The following GALNT18 variants were observed in gnomAD, a reference collection of about 807,000 sequenced individuals.
The protein encoded by GALNT18 is GalNAc-transferase 18.
A neutral mutation model predicts 69.5 loss-of-function variants in GALNT18; 44 were observed. That is an observed-to-expected ratio of 0.63 (90% confidence interval 0.50 to 0.81). The LOEUF is 0.81. Ranked by LOEUF, GALNT18 falls within the 40% of genes least tolerant of loss-of-function variation. The pLI is 0.00. For synonymous variants in GALNT18, 364 were observed against 318.2 expected (o/e 1.14, Z -1.53); for missense variants, 715 against 810.0 (o/e 0.88, Z 1.42).
Position 11,372,729 on chromosome 11 carries a change from C to A in GALNT18, c.978-100G>T. ...TCAGGAGGGTCTGGTTCTCTTCCTT[C>A]CTTTGCTGCCAGAGCCAGTGTGAGC... On this transcript the variant is annotated intron_variant, in intron 5 of 10. Transcript: ENST00000227756. This position sits in a 1 kb window ranked among gnomAD's most constrained non-coding sequence, Gnocchi z 4.9. The A allele has an allele frequency of 1.1e-6, 1 of 914,006 alleles. No homozygotes were observed. Among genetic ancestry groups the A allele is most frequent in the South Asian group, 1.4e-5 (1 of 70,200 alleles). 56.6% of individuals were successfully genotyped at this position (914,006 alleles called of 1,614,324 possible). A position where few individuals can be genotyped will look rare whatever the true frequency, so the allele number is the denominator to read the frequency against.
At chr11:11,313,933 C>T (rs1484614279) in intron 9 of GALNT18, among the ~76,000 whole-genome samples, 1 of 152,188 alleles carries the variant, frequency 6.6e-6, no homozygotes, top group Admixed American at 6.5e-5. Context: ...CCAGTTTGAA[C>T]GAGAGACCAA....
intron 1 of GALNT18, among the ~76,000 whole-genome samples, chr11:11,467,508 C>A (rs1057383995): frequency 6.6e-6 from 1 of 152,246 alleles, no homozygotes; most frequent in African/African-American, 2.4e-5. Flanking sequence ...TAAAGGGAAC[C>A]ACTCTGTTTG....
intron 1 of GALNT18, chr11:11,570,039 C>T (rs534257623): frequency 6.6e-6 from 1 of 152,210 alleles, no homozygotes; most frequent in Admixed American, 6.5e-5. Context: ...CCTGTTTCCT[C>T]TGCAAGCAGA....
intron 6 of GALNT18, among the ~76,000 whole-genome samples, chr11:11,345,375 A>C (rs1850284136): frequency 6.6e-6 from 1 of 152,106 alleles, no homozygotes; most frequent in Admixed American, 6.5e-5. Flanking sequence ...GGCTCCACTG[A>C]CCAGTGGCTT....
Position 11,432,795 on chromosome 11 carries a change from G to T in GALNT18, c.429-8C>A. 1 of 1,612,556 alleles carries T rather than the reference G, an allele frequency of 6.2e-7. No individual in the cohort carries two copies. Among genetic ancestry groups the T allele is most frequent in the Non-Finnish European group, 8.5e-7 (1 of 1,178,862 alleles). The stretch of plus-strand genomic sequence containing the variant: ...AATGAGAGGTTACGGCACCTGCAAA[G>T]AACAGCCAAGCGCTTAGATTTGTGA... On this transcript the variant is annotated splice_polypyrimidine_tract_variant and splice_region_variant and intron_variant, in intron 2 of 10. Transcript: ENST00000227756. The surrounding 1 kb of genome is among the most constrained non-coding windows in gnomAD (Gnocchi z 5.8).
chr11:11,453,148 T>G (rs1855843031), intron 1 of GALNT18, among the ~76,000 whole-genome samples: 1 of 151,912 alleles, frequency 6.6e-6, no homozygotes, highest in Non-Finnish European at 1.5e-5. Flanking sequence ...GGTGCTTGAG[T>G]CAGGGAAGGT....
intron 3 of GALNT18, among the ~76,000 whole-genome samples, chr11:11,390,771 G>C (rs1854168951): frequency 6.6e-6 from 1 of 152,134 alleles, no homozygotes; most frequent in Non-Finnish European, 1.5e-5. Context: ...GTGTTCTCCT[G>C]GCCTTCCCGT....
At chr11:11,392,577 C>T (rs1030552075) in intron 3 of GALNT18, among the ~76,000 whole-genome samples, 2 of 152,162 alleles carry the variant, frequency 1.3e-5, no homozygotes, top group Non-Finnish European at 2.9e-5. Flanking sequence ...AGAGATCGCG[C>T]CATCACACTC....
chr11:11,515,937 G>A (rs1857264069), intron 1 of GALNT18, among the ~76,000 whole-genome samples: 1 of 152,246 alleles, frequency 6.6e-6, no homozygotes, highest in South Asian at 2.1e-4. Flanking sequence ...AGCCCATGCA[G>A]AGCTAGAGGA....
chr11:11,367,088 C>T (rs1200131915), intron 6 of GALNT18, among the ~76,000 whole-genome samples: 1 of 152,182 alleles, frequency 6.6e-6, no homozygotes, highest in Non-Finnish European at 1.5e-5. Context: ...GCTTCACTTC[C>T]TCCTGTCCTA....
At chr11:11,509,079 C>A (rs1361003435) in intron 1 of GALNT18, among the ~76,000 whole-genome samples, 2 of 152,128 alleles carry the variant, frequency 1.3e-5, no homozygotes, top group Non-Finnish European at 2.9e-5. Context: ...TTCTACACCC[C>A]CATGCTTTTC....
rs1036250471 is a variant in GALNT18 at position 11,587,463 on chromosome 11, C to G, written c.235+33896G>C. ...TGCATCCCAGCTTTTCTGCAGGTTG[C>G]TAATGAGCAGTGAGCATATCCAAAG... On this transcript the variant is annotated intron_variant, in intron 1 of 10. Coordinates refer to ENST00000227756, the MANE Select transcript of GALNT18 (RefSeq NM_198516.3). This position sits in a 1 kb window ranked among gnomAD's most constrained non-coding sequence, Gnocchi z 4.4. Among the ~76,000 whole-genome samples, 2 of 152,188 alleles carry G rather than the reference C, an allele frequency of 1.3e-5. No individual in the cohort carries two copies. Among genetic ancestry groups the G allele is most frequent in the African/African-American group, 2.4e-5 (1 of 41,448 alleles).
intron 3 of GALNT18, among the ~76,000 whole-genome samples, chr11:11,416,686 T>G (rs999269478): frequency 2.4e-4 from 36 of 152,150 alleles, no homozygotes; most frequent in Non-Finnish European, 5.1e-4. Context: ...TACTCCCAGA[T>G]GGCAGCCGCC....
At chr11:11,482,812 C>G (rs948007852) in intron 1 of GALNT18, among the ~76,000 whole-genome samples, 1 of 152,100 alleles carries the variant, frequency 6.6e-6, no homozygotes, top group Non-Finnish European at 1.5e-5. Context: ...GGAAATAAAC[C>G]CTCCAAGGTC....
At chr11:11,557,168 G>A (rs1405102414) in intron 1 of GALNT18, among the ~76,000 whole-genome samples, 4 of 152,168 alleles carry the variant, frequency 2.6e-5, no homozygotes, top group Non-Finnish European at 5.9e-5. Flanking sequence ...ATCCTTGCAG[G>A]TAGAAGAGTC....
intron 1 of GALNT18, among the ~76,000 whole-genome samples, chr11:11,481,395 T>C (rs1054695795): frequency 6.6e-6 from 1 of 151,934 alleles, no homozygotes; most frequent in African/African-American, 2.4e-5. Flanking sequence ...GAAAACCTGG[T>C]AAGGGGGAAA....
intron 1 of GALNT18, among the ~76,000 whole-genome samples, chr11:11,532,214 G>C (rs1269899622): frequency 1.3e-5 from 2 of 152,144 alleles, no homozygotes; most frequent in Non-Finnish European, 2.9e-5. Flanking sequence ...AAGAGGAAGG[G>C]AGCGGAGAGG....
At chr11:11,333,408 G>A (rs574152246) in intron 7 of GALNT18, among the ~76,000 whole-genome samples, 13 of 152,156 alleles carry the variant, frequency 8.5e-5, no homozygotes, top group Non-Finnish European at 1.6e-4. Flanking sequence ...TTATAAAGTA[G>A]CACTACATAA....
rs118079216 is a variant in GALNT18 at position 11,297,457 on chromosome 11, G to C, written c.1513-4264C>G. On this transcript the variant is annotated intron_variant, in intron 9 of 10. Coordinates refer to ENST00000227756, the MANE Select transcript of GALNT18 (RefSeq NM_198516.3). Reference sequence around the variant, plus strand: ...GTGAGTAGCTGAGATTTACAGCGAGGCAGTTTAACTCCAGAGCCATATGTG... The same window carrying C: ...GTGAGTAGCTGAGATTTACAGCGAGCCAGTTTAACTCCAGAGCCATATGTG... Among the ~76,000 whole-genome samples, 505 of 152,226 alleles carry C rather than the reference G, an allele frequency of 3.3e-3. 2 individuals are homozygous for C. Among genetic ancestry groups the C allele is most frequent in the Non-Finnish European group, 5.6e-3 (379 of 68,006 alleles).
Sources: gnomAD v4.1 joint callset for allele counts (sites outside exome capture counted in the v4.1 genomes callset) on GRCh38, gnomAD v4.1.1 for gene constraint, Gnocchi (gnomAD v3.1) non-coding constraint, MANE v1.5 for transcripts, NCBI Gene and HGNC (gene_info 2026-07-23, HGNC 2026-07-21) for gene names.